NTAQ1: variants seen among roughly 807,000 people sequenced by gnomAD.
NTAQ1 encodes protein N-terminal glutamine amidohydrolase.
In NTAQ1, 21 loss-of-function variants were observed where a neutral mutation model predicts 28.2. The observed-to-expected ratio is 0.74, with a 90% confidence interval of 0.53 to 1.07. The LOEUF is 1.07. Ranked by LOEUF, NTAQ1 falls within the 50% of genes least tolerant of loss-of-function variation. NTAQ1 has a pLI of 0.00. For missense variants in NTAQ1, 264 were observed against 256.6 expected, an observed-to-expected ratio of 1.03 and a Z score of -0.20; for synonymous variants, 105 against 90.0, an observed-to-expected ratio of 1.17 and a Z score of -0.94.
downstream of NTAQ1, among the ~76,000 whole-genome samples, chr8:123,451,872 G>C (rs1815506400): frequency 6.6e-6 from 1 of 152,162 alleles, no homozygotes; most frequent in Non-Finnish European, 1.5e-5. Context: ...CTTGTGCTTT[G>C]AATTATTCCC....
intron 1 of NTAQ1, among the ~76,000 whole-genome samples, chr8:123,427,154 G>A (rs6994481): frequency 0.31 from 45,528 of 149,120 alleles, 7,372 homozygotes; most frequent in South Asian, 0.46. Context: ...GGGAACCAGT[G>A]TTAACTAAGA....
intron 5 of NTAQ1, 28 bp from the exon 6 acceptor site, chr8:123,441,278 G>A: frequency 6.4e-7 from 1 of 1,568,756 alleles, no homozygotes; most frequent in South Asian, 1.2e-5. Context: ...GTTTTCAGTG[G>A]ACATTTTTTT....
intron 6 of NTAQ1, among the ~76,000 whole-genome samples, chr8:123,464,059 T>C (rs1457083193): frequency 4.6e-5 from 7 of 152,196 alleles, no homozygotes; most frequent in Non-Finnish European, 7.4e-5. Context: ...TCCTTCACCT[T>C]CCACCATGAT....
chr8:123,466,560 C>G (rs747980548), intron 6 of NTAQ1, among the ~76,000 whole-genome samples: 12 of 152,230 alleles, frequency 7.9e-5, no homozygotes, highest in Non-Finnish European at 1.5e-4. Flanking sequence ...GACCATCAGA[C>G]TGTCATTACT....
At chr8:123,449,905 GTATATATGTGTGTGTATA>G (rs1414839890), downstream of NTAQ1, among the ~76,000 whole-genome samples, 4 of 56,302 alleles carry the variant, frequency 7.1e-5, no homozygotes, top group African/African-American at 2.7e-4. Flanking sequence ...CTCTCCATAT[GTATATATGTGTGTGTATA>G]TATATATGTG....
chr8:123,449,619 T>C (rs1328597028), downstream of NTAQ1, among the ~76,000 whole-genome samples: 2 of 151,912 alleles, frequency 1.3e-5, no homozygotes, highest in African/African-American at 2.4e-5. Context: ...ACTTCTACAA[T>C]GTGTGGAAGA....
intron 1 of NTAQ1, among the ~76,000 whole-genome samples, chr8:123,423,417 CT>C (rs1813848770): frequency 4.4e-5 from 6 of 136,234 alleles, no homozygotes; most frequent in Non-Finnish European, 7.8e-5. Context: ...CCTCCTTTTC[CT>C]TCTCTTCTGT....
chr8:123,427,836 T>G (rs1432467727), intron 1 of NTAQ1, 88 bp from the exon 2 acceptor site: 3 of 1,145,980 alleles, frequency 2.6e-6, no homozygotes, highest in Non-Finnish European at 3.8e-6. Flanking sequence ...CTTTTCCAAC[T>G]TTTTGATGTC....
chr8:123,430,123 G>A, intron 3 of NTAQ1, 90 bp downstream of exon 3: 7 of 913,542 alleles, frequency 7.7e-6, no homozygotes, highest in African/African-American at 3.4e-5. Flanking sequence ...AGTGACCTAA[G>A]CAGTAGAGAA....
chr8:123,468,138 G>A (rs1816001539), exon 7 of NTAQ1, among the ~76,000 whole-genome samples: 2 of 152,204 alleles, frequency 1.3e-5, no homozygotes, highest in South Asian at 2.1e-4. Context: ...GGATTCTTGC[G>A]TGGCCCCCAA....
intron 6 of NTAQ1, chr8:123,454,847 T>G (rs1324021811): frequency 6.6e-6 from 1 of 152,228 alleles, no homozygotes; most frequent in African/African-American, 2.4e-5. Context: ...GGTACCAGCA[T>G]ATGGACCCAT....
At chr8:123,450,607 C>T (rs576950153), downstream of NTAQ1, among the ~76,000 whole-genome samples, 5 of 152,290 alleles carry the variant, frequency 3.3e-5, no homozygotes, top group African/African-American at 1.2e-4. Context: ...GGCAAACACT[C>T]CTCAGTTCTC....
chr8:123,418,624 T>C (rs2130113967), intron 1 of NTAQ1, among the ~76,000 whole-genome samples: 1 of 152,182 alleles, frequency 6.6e-6, no homozygotes, highest in East Asian at 1.9e-4. Context: ...GGGTGGGAGC[T>C]TTGCAACTAT....
rs761933790 is a variant in NTAQ1, at chr8:123,441,325, C to T, written c.528C>T (p.Asn176=). The change falls in exon 6 of 6, where the codon AAC becomes AAT. Residue 176 remains asparagine, a synonymous_variant. Transcript: ENST00000287387. ...IETGDSKMNL[N]DFISMDPKVG... ...TTTTAGATTCCAAAATGAACCTGAACGATTTCATCAGTATGGATCCCAAGG... is the reference window on the plus strand; with the variant it reads ...TTTTAGATTCCAAAATGAACCTGAATGATTTCATCAGTATGGATCCCAAGG... 29 of 1,608,588 alleles carry T rather than the reference C, an allele frequency of 1.8e-5. No homozygotes were observed. The highest frequency in any genetic ancestry group is 6.7e-5 in the South Asian group (6 of 90,042).
chr8:123,420,590 C>CTTTTTTTTT (rs71310676), intron 1 of NTAQ1, among the ~76,000 whole-genome samples: 5 of 102,030 alleles, frequency 4.9e-5, no homozygotes, highest in African/African-American at 7.4e-5. Context: ...TATTTTTTGC[C>CTTTTTTTTT]TTTTTTTTTT....
Position 123,441,532 on chromosome 8 carries a change from A to C in NTAQ1, c.*117A>C, listed in dbSNP as rs1815070240. On this transcript the variant is annotated 3_prime_UTR_variant, in exon 6 of 6. Transcript: ENST00000287387. ...GCTTGGAATTATGTCTTTCTCTTTT[A>C]ATTTGATTGAGTGGAAATCTGAGTG... 3 of 805,494 alleles carry C rather than the reference A, an allele frequency of 3.7e-6. No individual in the cohort carries two copies. The highest frequency in any genetic ancestry group is 4.5e-5 in the Admixed American group (2 of 44,046). 49.9% of individuals were successfully genotyped at this position (805,494 alleles called of 1,614,324 possible).
chr8:123,420,388 A>T (rs1317003618), intron 1 of NTAQ1, among the ~76,000 whole-genome samples: 1 of 152,166 alleles, frequency 6.6e-6, no homozygotes, highest in Non-Finnish European at 1.5e-5. Flanking sequence ...ATATATGTGC[A>T]TGTGTCTTAA....
downstream of NTAQ1, among the ~76,000 whole-genome samples, chr8:123,443,402 T>G (rs1238897639): frequency 6.6e-6 from 1 of 152,264 alleles, no homozygotes; most frequent in Non-Finnish European, 1.5e-5. Flanking sequence ...AGGGTAAACC[T>G]GCTCTGCAGG....
chr8:123,472,141 A>T (rs1224031264), downstream of NTAQ1, among the ~76,000 whole-genome samples: 1 of 152,148 alleles, frequency 6.6e-6, no homozygotes, highest in Non-Finnish European at 1.5e-5. Context: ...GCAGTGACTC[A>T]GGAGAGTTGT....
Sources: allele counts gnomAD v4.1 joint callset (sites outside exome capture counted in the v4.1 genomes callset), GRCh38; gene constraint gnomAD v4.1.1; transcripts MANE v1.5; gene names NCBI Gene and HGNC (gene_info 2026-07-23, HGNC 2026-07-21).